Variants in PTPRU observed in about 807,000 individuals in gnomAD.
The protein encoded by PTPRU is receptor-type tyrosine-protein phosphatase U.
A neutral mutation model predicts 166.3 loss-of-function variants in PTPRU; 69 were observed. The ratio of observed to expected loss-of-function variants is 0.41; its 90% CI spans 0.34 to 0.51. The LOEUF is 0.51. Among genes scored for constraint, PTPRU ranks in the 20% least tolerant of loss-of-function variants. The probability of loss-of-function intolerance (pLI) is 0.09; values close to 1 mark genes in which losing one functional copy is unlikely to be tolerated. For missense variants in PTPRU, 1,657 were observed against 2,013.7 expected, an observed-to-expected ratio of 0.82 and a Z score of 3.39; for synonymous variants, 793 against 814.0, an observed-to-expected ratio of 0.97 and a Z score of 0.44.
At chr1:29,251,574 G>A (rs1355239648) in intron 1 of PTPRU, among the ~76,000 whole-genome samples, 1 of 152,182 alleles carries the variant, frequency 6.6e-6, no homozygotes, top group Non-Finnish European at 1.5e-5. Flanking sequence ...TAGGACTGTT[G>A]TCAGTCTATC....
rs192058649 is a variant in PTPRU at position 29,274,179 on chromosome 1, C to T, written c.1145-1269C>T. Among the ~76,000 whole-genome samples, 328 of 152,044 alleles carry T rather than the reference C, an allele frequency of 2.2e-3. 3 individuals carry two copies. The highest frequency in any genetic ancestry group is 7.3e-3 in the African/African-American group (302 of 41,460). On this transcript the variant is annotated intron_variant, in intron 7 of 29. Coordinates refer to ENST00000373779, the MANE Select transcript of PTPRU (RefSeq NM_133178.4). ...CCAAGCAGCTGGGACCACAGGCTTG[C>T]GCCACCACGCCTGGCTAATTTTTTT...
chr1:29,266,264 G>T (rs1351943895), intron 7 of PTPRU, among the ~76,000 whole-genome samples: 3 of 151,944 alleles, frequency 2.0e-5, no homozygotes, highest in Non-Finnish European at 4.4e-5. Flanking sequence ...CTCCCAAAGT[G>T]CTGGGATTAC....
chr1:29,326,172 T>A lies in PTPRU; in HGVS notation c.*511T>A. 3.2e-6 allele frequency: 1 copy of A among 311,920 alleles called. No homozygotes were observed. The highest frequency in any genetic ancestry group is 5.1e-5 in the East Asian group (1 of 19,736). 19.3% of individuals were successfully genotyped at this position (311,920 alleles called of 1,614,324 possible). A position where few individuals can be genotyped will look rare whatever the true frequency, so the allele number is the denominator to read the frequency against. The stretch of plus-strand genomic sequence containing the variant: ...GTCCTGGGGAAGCAGGTCTCAATTC[T>A]GAATAGCCAGTGGGGCACACTGACT... On this transcript the variant is annotated 3_prime_UTR_variant, in exon 30 of 30. Transcript: ENST00000373779.
chr1:29,298,450 G>A (rs1418736416), intron 15 of PTPRU, among the ~76,000 whole-genome samples: 1 of 152,130 alleles, frequency 6.6e-6, no homozygotes, highest in Non-Finnish European at 1.5e-5. Context: ...GTTGATTTTG[G>A]TGGATCCTTC....
chr1:29,325,752 C>A lies in PTPRU; in HGVS notation c.*91C>A. On this transcript the variant is annotated 3_prime_UTR_variant, in exon 30 of 30. Transcript: ENST00000373779. ...GAAGATCAGTGCCTCCTGCTCTGCC[C>A]AAACACACTCCCATGGGGCAAGCAC... 1.5e-6 allele frequency: 2 copies of A among 1,333,848 alleles called. No individual in the cohort carries two copies. The highest frequency in any genetic ancestry group is 2.1e-6 in the Non-Finnish European group (2 of 972,456). The allele number at this position is 1,333,848 out of a possible 1,614,324, so 82.6% of individuals were successfully genotyped here.
intron 7 of PTPRU, among the ~76,000 whole-genome samples, 196 bp from the exon 8 acceptor site, chr1:29,275,252 A>T (rs2151951049): frequency 6.6e-6 from 1 of 152,300 alleles, no homozygotes; most frequent in East Asian, 1.9e-4. Context: ...TGGCAGAGCC[A>T]GGATTCAAAT....
intron 24 of PTPRU, 44 bp downstream of exon 24, chr1:29,316,195 G>T: frequency 6.4e-7 from 1 of 1,561,202 alleles, no homozygotes; most frequent in African/African-American, 1.4e-5. Context: ...GTGTGTGTCT[G>T]TGTGTGTGTT....
At chr1:29,243,715 G>A (rs1684158712) in intron 1 of PTPRU, among the ~76,000 whole-genome samples, 2 of 152,232 alleles carry the variant, frequency 1.3e-5, no homozygotes, top group African/African-American at 4.8e-5. Flanking sequence ...CCCAGGGGCT[G>A]AGCTGTGTCT....
At chr1:29,282,981 G>A (rs770401344) in intron 12 of PTPRU, 32 bp downstream of exon 12, 2 of 1,587,938 alleles carry the variant, frequency 1.3e-6, no homozygotes, top group Admixed American at 1.7e-5. Context: ...TGGTGGGCGT[G>A]GTTGGGTGTG....
At chr1:29,285,048 G>A (rs1686279704) in intron 14 of PTPRU, among the ~76,000 whole-genome samples, 179 bp downstream of exon 14, 1 of 152,168 alleles carries the variant, frequency 6.6e-6, no homozygotes, top group Non-Finnish European at 1.5e-5. Context: ...GCCAGAGACT[G>A]GGAAGATGGG....
chr1:29,305,689 C>A, intron 18 of PTPRU: 2 of 654,460 alleles, frequency 3.1e-6, no homozygotes, highest in Admixed American at 1.9e-5. Context: ...AGGCAGACAG[C>A]TAGGCCAAGA....
rs1429593040 is a variant in PTPRU at position 29,291,309 on chromosome 1, G to A, written c.2319-560G>A. ...AGAAGCCAAGGGTGGAGTTCATTCT[G>A]TGCGTGGGGGAAGCCCCCGAGCTCT... On this transcript the variant is annotated intron_variant, in intron 14 of 29. Transcript: ENST00000373779. This position sits in a 1 kb window ranked among gnomAD's most constrained non-coding sequence, Gnocchi z 4.1. Among the ~76,000 whole-genome samples, 1 of 152,192 alleles carries A rather than the reference G, an allele frequency of 6.6e-6. No homozygotes were observed. The highest frequency in any genetic ancestry group is 2.4e-5 in the African/African-American group (1 of 41,454).
chr1:29,292,089 G>C, intron 15 of PTPRU, 63 bp downstream of exon 15: 2 of 1,585,760 alleles, frequency 1.3e-6, no homozygotes, highest in Non-Finnish European at 1.7e-6. Context: ...GAGACAATAG[G>C]GTCCCCACAT....
intron 1 of PTPRU, among the ~76,000 whole-genome samples, chr1:29,246,341 T>G (rs959877063): frequency 1.3e-5 from 2 of 152,260 alleles, no homozygotes; most frequent in Non-Finnish European, 2.9e-5. Flanking sequence ...GAACAACATC[T>G]TTGCATTGAG....
chr1:29,325,298 A>T lies in PTPRU; in HGVS notation c.4220A>T (p.Asn1407Ile), dbSNP rs1319082969. ...DVFFAAKTLRNYKPNMVETMD... is the reference protein window; with the variant it reads ...DVFFAAKTLRIYKPNMVETMD... ...TTCTTTGCTGCCAAAACCCTCCGGAACTACAAACCCAACATGGTGGAGACC... is the reference window on the plus strand; with the variant it reads ...TTCTTTGCTGCCAAAACCCTCCGGATCTACAAACCCAACATGGTGGAGACC... The change falls in exon 29 of 30, where the codon AAC becomes ATC. Residue 1407 changes from asparagine to isoleucine, a missense_variant. By Grantham distance (149) the Asn-to-Ile change is moderately radical. Transcript: ENST00000373779. 6.2e-7 allele frequency: 1 copy of T among 1,614,174 alleles called. No individual in the cohort carries two copies. Among genetic ancestry groups the T allele is most frequent in the Non-Finnish European group, 8.5e-7 (1 of 1,179,998 alleles).
intron 18 of PTPRU, among the ~76,000 whole-genome samples, chr1:29,305,795 G>T (rs1687363922): frequency 6.6e-6 from 1 of 152,214 alleles, no homozygotes; most frequent in African/African-American, 2.4e-5. Context: ...ACCTCAAATG[G>T]CAGGCTCAGG....
chr1:29,315,894 C>G lies in PTPRU; in HGVS notation c.3364-108C>G, dbSNP rs888587697. Reference sequence around the variant, plus strand: ...TCCAGCCTGTAGTAACATGGTTGGCCTCCACCTCAGGACACCCTGCTTCAA... The same window carrying G: ...TCCAGCCTGTAGTAACATGGTTGGCGTCCACCTCAGGACACCCTGCTTCAA... On this transcript the variant is annotated intron_variant, in intron 23 of 29. Coordinates refer to ENST00000373779, the MANE Select transcript of PTPRU (RefSeq NM_133178.4). This position sits in a 1 kb window ranked among gnomAD's most constrained non-coding sequence, Gnocchi z 4.5. 7.3e-7 allele frequency: 1 copy of G among 1,378,344 alleles called. No individual in the cohort carries two copies. 85.4% of individuals were successfully genotyped at this position (1,378,344 alleles called of 1,614,324 possible).
At chr1:29,296,776 C>CCT (rs1420954674) in intron 15 of PTPRU, among the ~76,000 whole-genome samples, 3 of 151,096 alleles carry the variant, frequency 2.0e-5, no homozygotes, top group Non-Finnish European at 4.4e-5. Context: ...CTTGTCTTTG[C>CCT]CTCTCAAAGT....
chr1:29,289,849 G>A (rs558964953), intron 14 of PTPRU: 7 of 980,748 alleles, frequency 7.1e-6, no homozygotes, highest in East Asian at 5.2e-5. Context: ...TGGTCACCTC[G>A]GCCTCTGACT....
Sources: gnomAD v4.1 joint callset for allele counts (sites outside exome capture counted in the v4.1 genomes callset) on GRCh38, gnomAD v4.1.1 for gene constraint, Gnocchi (gnomAD v3.1) non-coding constraint, MANE v1.5 for transcripts, NCBI Gene and HGNC (gene_info 2026-07-23, HGNC 2026-07-21) for gene names.